ZNF385D: variants seen among roughly 807,000 people sequenced by gnomAD.
The protein encoded by ZNF385D is zinc finger protein 385D, also known as zinc finger protein 659.
In ZNF385D, 15 loss-of-function variants were observed where a neutral mutation model predicts 35.8. That is an observed-to-expected ratio of 0.42 (90% CI 0.28 to 0.64). The LOEUF (loss-of-function observed/expected upper bound fraction) is 0.64. Ranked by LOEUF, ZNF385D falls within the 30% of genes least tolerant of loss-of-function variation. The pLI, the probability that ZNF385D is intolerant of heterozygous loss-of-function variation, is 0.23. For missense variants in ZNF385D, 474 were observed against 494.6 expected, an observed-to-expected ratio of 0.96 and a Z score of 0.39; for synonymous variants, 212 against 186.8, an observed-to-expected ratio of 1.13 and a Z score of -1.10.
At chr3:21,792,199 G>A (rs1171769372) in intron 3 of ZNF385D, among the ~76,000 whole-genome samples, 1 of 152,174 alleles carries the variant, frequency 6.6e-6, no homozygotes, top group Non-Finnish European at 1.5e-5. Context: ...TGATGGGGCA[G>A]ATACATTCTG....
At chr3:21,697,343 T>C (rs13081227) in intron 1 of ZNF385D, among the ~76,000 whole-genome samples, 18,491 of 152,168 alleles carry the variant, frequency 0.12, 1,507 homozygotes, top group East Asian at 0.23. Context: ...AATCAATATA[T>C]AATGTAAATA....
intron 2 of ZNF385D, among the ~76,000 whole-genome samples, chr3:22,227,373 A>G (rs1698624315): frequency 6.6e-6 from 1 of 152,100 alleles, no homozygotes; most frequent in Non-Finnish European, 1.5e-5. Context: ...TGTGTGTCAT[A>G]AGACCCTCAT....
chr3:21,414,635 A>G lies in ZNF385D; in HGVS notation c.*6579T>C, dbSNP rs1216521277. On this transcript the variant is annotated 3_prime_UTR_variant, in exon 8 of 8. Transcript: ENST00000281523. ...ATCAGTCATTATCCCTATTTTTATC[A>G]GAGAGAATCATCAAAATGTCAAGTG... The G allele has an allele frequency of 1.3e-5, 2 of 152,106 alleles. No homozygotes were observed. 9.4% of individuals were successfully genotyped at this position (152,106 alleles called of 1,614,324 possible).
At chr3:21,592,306 T>C (rs1488639903) in intron 2 of ZNF385D, among the ~76,000 whole-genome samples, 4 of 152,172 alleles carry the variant, frequency 2.6e-5, no homozygotes, top group African/African-American at 4.8e-5. Flanking sequence ...AATGATACTG[T>C]TCTTCAGTAT....
At chr3:21,815,853 CA>C (rs2073124453) in intron 3 of ZNF385D, among the ~76,000 whole-genome samples, 1 of 152,054 alleles carries the variant, frequency 6.6e-6, no homozygotes, top group Non-Finnish European at 1.5e-5. Context: ...ATTCTGATAC[CA>C]ACGCCTGGCA....
At chr3:22,135,270 C>T (rs7646704) in intron 3 of ZNF385D, among the ~76,000 whole-genome samples, 8,367 of 152,030 alleles carry the variant, frequency 0.055, 725 homozygotes, top group African/African-American at 0.18. Flanking sequence ...AGTAAGAGAG[C>T]TCAGCAAGTT....
intron 2 of ZNF385D, among the ~76,000 whole-genome samples, chr3:22,219,391 T>G (rs1228191917): frequency 6.6e-6 from 1 of 152,132 alleles, no homozygotes; most frequent in Non-Finnish European, 1.5e-5. Flanking sequence ...TCAAATATAT[T>G]CTTCCCAATC....
chr3:22,076,736 G>C (rs906439109), intron 3 of ZNF385D, among the ~76,000 whole-genome samples: 1 of 151,910 alleles, frequency 6.6e-6, no homozygotes, highest in Non-Finnish European at 1.5e-5. Context: ...GGTTAGGATT[G>C]TGCACCAATT....
At chr3:21,973,304 G>A (rs1244655550) in intron 3 of ZNF385D, among the ~76,000 whole-genome samples, 3 of 151,866 alleles carry the variant, frequency 2.0e-5, no homozygotes, top group Admixed American at 6.6e-5. Flanking sequence ...TCAGTAGAAT[G>A]AAGGACAACA....
At chr3:22,247,612 C>T (rs1470138814) in intron 2 of ZNF385D, among the ~76,000 whole-genome samples, 1 of 112,284 alleles carries the variant, frequency 8.9e-6, no homozygotes, top group Non-Finnish European at 1.8e-5. Context: ...AACCATTTTA[C>T]AATTTTATTT....
chr3:21,656,327 G>A (rs569105226), intron 2 of ZNF385D, among the ~76,000 whole-genome samples: 5 of 151,980 alleles, frequency 3.3e-5, no homozygotes, highest in African/African-American at 4.8e-5. Flanking sequence ...ATTGTCTCAC[G>A]GTTCTGGAGG....
In ZNF385D at chr3:21,766,912, T is replaced by C. The variant is rs73140853; in HGVS notation, c.326-101884A>G. 5.6e-3 allele frequency among the ~76,000 whole-genome samples: 857 copies of C among 152,218 alleles called. 15 individuals carry two copies. The highest frequency in any genetic ancestry group is 0.02 in the African/African-American group (828 of 41,540). On this transcript the variant is annotated intron_variant, in intron 3 of 5. Coordinates refer to the ZNF385D transcript ENST00000494108. ...GGTAAAGAAGACAGCCAGATGAGGT[T>C]CAATTAATATAAAATCTTACCTAAT...
intron 3 of ZNF385D, among the ~76,000 whole-genome samples, chr3:21,961,250 TA>T (rs1702574054): frequency 6.6e-6 from 1 of 152,074 alleles, no homozygotes; most frequent in African/African-American, 2.4e-5. Context: ...GCCTGGAATA[TA>T]AAAAAGGTCT....
intron 3 of ZNF385D, among the ~76,000 whole-genome samples, chr3:22,044,268 G>A (rs1418463678): frequency 6.6e-6 from 1 of 151,922 alleles, no homozygotes; most frequent in East Asian, 1.9e-4. Flanking sequence ...TGTTAGGAAT[G>A]GGACCAGTCG....
rs188848445 is a variant in ZNF385D, at chr3:21,716,464, T to C, written c.22+34431A>G. Among the ~76,000 whole-genome samples the C allele has an allele frequency of 2.2e-3, 328 of 152,260 alleles. 2 individuals carry two copies. The highest frequency in any genetic ancestry group is 0.014 in the Middle Eastern group (4 of 294). On this transcript the variant is annotated intron_variant, in intron 1 of 7. Transcript: ENST00000281523. ...TGCTCCTCTCATGTCCCTCCACCCATGCTGGCCTCTGTATTATTTCTCTGA... is the reference window on the plus strand; with the variant it reads ...TGCTCCTCTCATGTCCCTCCACCCACGCTGGCCTCTGTATTATTTCTCTGA...
chr3:22,315,943 C>T (rs748687953), intron 2 of ZNF385D, among the ~76,000 whole-genome samples: 24 of 152,162 alleles, frequency 1.6e-4, no homozygotes, highest in Non-Finnish European at 3.5e-4. Flanking sequence ...CCTATAATCC[C>T]TTACTGCTAC....
intron 2 of ZNF385D, among the ~76,000 whole-genome samples, chr3:21,591,302 A>G (rs1039690828): frequency 2.0e-5 from 3 of 152,160 alleles, no homozygotes; most frequent in Admixed American, 6.5e-5. Flanking sequence ...AATAAACAAA[A>G]TAATTTCACA....
chr3:22,284,827 AC>A (rs1479329259), intron 2 of ZNF385D, among the ~76,000 whole-genome samples: 2 of 152,166 alleles, frequency 1.3e-5, no homozygotes, highest in Non-Finnish European at 2.9e-5. Context: ...AATTTGGTAT[AC>A]CTAAAAAAGA....
At chr3:22,249,906 A>G (rs1000255655) in intron 2 of ZNF385D, among the ~76,000 whole-genome samples, 7 of 152,162 alleles carry the variant, frequency 4.6e-5, no homozygotes, top group Non-Finnish European at 1.0e-4. Context: ...CATGAGCTAC[A>G]AGGATATTGA....
Sources: allele counts gnomAD v4.1 joint callset (sites outside exome capture counted in the v4.1 genomes callset), GRCh38; gene constraint gnomAD v4.1.1; transcripts MANE v1.5; gene names NCBI Gene and HGNC (gene_info 2026-07-23, HGNC 2026-07-21).